SPECC1: variants seen among roughly 807,000 people sequenced by gnomAD.
SPECC1 encodes the protein sperm antigen with calponin homology and coiled-coil domains 1.
SPECC1 carries 62 observed loss-of-function variants against 104.1 expected under a neutral mutation model. The ratio of observed to expected loss-of-function variants is 0.60; its 90% CI spans 0.49 to 0.74. The LOEUF (loss-of-function observed/expected upper bound fraction) is 0.74, where lower values mean the gene tolerates loss of function less well. Ranked by LOEUF, SPECC1 falls within the 30% of genes least tolerant of loss-of-function variation. SPECC1 has a pLI of 0.00. For synonymous variants in SPECC1, 513 were observed against 501.6 expected, an observed-to-expected ratio of 1.02 and a Z score of -0.30; for missense variants, 1,306 against 1,310.5, an observed-to-expected ratio of 1.00 and a Z score of 0.05.
chr17:20,158,428 T>G (rs2032806292), intron 3 of SPECC1, among the ~76,000 whole-genome samples: 1 of 152,066 alleles, frequency 6.6e-6, no homozygotes, highest in Non-Finnish European at 1.5e-5. Flanking sequence ...AAGGAAAGCT[T>G]TTGATCATGA....
intron 1 of SPECC1, among the ~76,000 whole-genome samples, chr17:20,086,457 T>C (rs1292407318): frequency 1.3e-5 from 2 of 152,182 alleles, no homozygotes; most frequent in African/African-American, 4.8e-5. Context: ...ACCCTGCTGC[T>C]CATGACTTAA....
intron 4 of SPECC1, among the ~76,000 whole-genome samples, chr17:20,223,502 G>A (rs1037368772): frequency 1.3e-5 from 2 of 151,860 alleles, no homozygotes; most frequent in African/African-American, 2.4e-5. Context: ...GGTGAAACCC[G>A]TCTCTACTAA....
chr17:20,075,438 G>A (rs533326070), intron 1 of SPECC1, among the ~76,000 whole-genome samples: 2 of 152,110 alleles, frequency 1.3e-5, no homozygotes, highest in Admixed American at 6.6e-5. Context: ...GCTCTGATAC[G>A]GCATTTCAGT....
At chr17:20,150,947 CA>C (rs2031951580) in intron 3 of SPECC1, among the ~76,000 whole-genome samples, 1 of 152,004 alleles carries the variant, frequency 6.6e-6, no homozygotes, top group African/African-American at 2.4e-5. Context: ...AATGGGACCA[CA>C]TATATATTAT....
chr17:20,188,238 T>G lies in SPECC1; in HGVS notation c.284-16095T>G, dbSNP rs984382924. Among the ~76,000 whole-genome samples the G allele has an allele frequency of 3.4e-5, 5 of 148,118 alleles. No individual in the cohort carries two copies. The South Asian group carries it at 1.1e-3, about 32-fold the overall frequency. ...GAAATAACGTGATTTTGTATTTCCTTAGGTATCAAAAGACATCCTTTTTTT... is the reference window on the plus strand; with the variant it reads ...GAAATAACGTGATTTTGTATTTCCTGAGGTATCAAAAGACATCCTTTTTTT... On this transcript the variant is annotated intron_variant, in intron 3 of 14. Transcript: ENST00000395527.
intron 2 of SPECC1, among the ~76,000 whole-genome samples, chr17:20,108,246 A>C (rs78262928): frequency 6.6e-6 from 1 of 151,678 alleles, no homozygotes; most frequent in African/African-American, 2.4e-5. Context: ...AAAAAAAAAA[A>C]CCCAGAAGGC....
intron 7 of SPECC1, among the ~76,000 whole-genome samples, chr17:20,243,488 G>A (rs1156393691): frequency 1.3e-5 from 2 of 152,094 alleles, no homozygotes; most frequent in East Asian, 1.9e-4. Context: ...TAAGCCAATA[G>A]CATTCTTAAT....
intron 7 of SPECC1, among the ~76,000 whole-genome samples, chr17:20,235,654 G>A (rs763063963): frequency 6.6e-6 from 1 of 152,174 alleles, no homozygotes; most frequent in African/African-American, 2.4e-5. Flanking sequence ...TGTTCCTCTT[G>A]TTCTGAAACA....
intron 7 of SPECC1, among the ~76,000 whole-genome samples, chr17:20,241,382 T>A (rs149744047): frequency 1.3e-3 from 197 of 152,336 alleles, no homozygotes; most frequent in Middle Eastern, 6.8e-3. Context: ...TAAATTCTTC[T>A]TGTTCCTGAT....
chr17:20,107,462 CTTTTTTTT>C (rs201566147), intron 2 of SPECC1, among the ~76,000 whole-genome samples: 4 of 132,118 alleles, frequency 3.0e-5, no homozygotes, highest in African/African-American at 8.3e-5. Context: ...TTTCTTTTTT[CTTTTTTTT>C]TTTTTTTTGA....
At chr17:20,309,802 TC>T (rs2041875596) in intron 14 of SPECC1, among the ~76,000 whole-genome samples, 1 of 143,368 alleles carries the variant, frequency 7.0e-6, no homozygotes, top group Non-Finnish European at 1.5e-5. Flanking sequence ...CTACTGGTTT[TC>T]TTTCTCCTTT....
chr17:20,156,284 C>T (rs545231314), intron 3 of SPECC1: 13 of 1,293,340 alleles, frequency 1.0e-5, no homozygotes, highest in African/African-American at 4.9e-5. Context: ...CCCCACCCCC[C>T]CTCCAGGCGC....
At chr17:20,200,272 A>T (rs1371215333) in intron 3 of SPECC1, among the ~76,000 whole-genome samples, 1 of 152,198 alleles carries the variant, frequency 6.6e-6, no homozygotes, top group Non-Finnish European at 1.5e-5. Context: ...TAGTTTGTGA[A>T]TGCTTATTTT....
intron 11 of SPECC1, 36 bp downstream of exon 11, chr17:20,257,643 A>T (rs1180432287): frequency 5.0e-6 from 8 of 1,606,588 alleles, no homozygotes; most frequent in Non-Finnish European, 6.8e-6. Flanking sequence ...TCAGAAAAAC[A>T]TCGGGCTAAT....
chr17:20,292,526 C>T (rs374962059), intron 12 of SPECC1, among the ~76,000 whole-genome samples: 65 of 152,250 alleles, frequency 4.3e-4, no homozygotes, highest in African/African-American at 1.5e-3. Context: ...GTTGAGGTTT[C>T]ACTACATTGG....
At chr17:20,200,513 A>G (rs936724230) in intron 3 of SPECC1, among the ~76,000 whole-genome samples, 2 of 152,158 alleles carry the variant, frequency 1.3e-5, no homozygotes, top group African/African-American at 4.8e-5. Flanking sequence ...AAAAGATCCA[A>G]TGGTGCTGGC....
At chr17:20,264,858 T>C (rs182379687) in intron 12 of SPECC1, among the ~76,000 whole-genome samples, 11 of 152,326 alleles carry the variant, frequency 7.2e-5, no homozygotes, top group African/African-American at 1.9e-4. Context: ...CTCCCACTTA[T>C]AAGTGAGATG....
chr17:20,281,222 C>A (rs1011565469), intron 12 of SPECC1, among the ~76,000 whole-genome samples: 1 of 152,184 alleles, frequency 6.6e-6, no homozygotes, highest in Non-Finnish European at 1.5e-5. Context: ...TGTTATACAG[C>A]GTGTCACCAT....
In SPECC1 at chr17:20,246,517, G is replaced by A. The variant is rs142236941; in HGVS notation, c.2497+446G>A. ...ATCCCCATCTTGCAACCTGCTAGAC[G>A]TTTTTCTACCTGGTCTTGTACGTGA... is the stretch of plus-strand genomic sequence containing the variant. On this transcript the variant is annotated intron_variant, in intron 8 of 14. Coordinates refer to ENST00000395527, the MANE Select transcript of SPECC1 (RefSeq NM_001243439.2). Among the ~76,000 whole-genome samples the A allele has an allele frequency of 1.6e-3, 239 of 152,262 alleles. 1 individual carries two copies. Among genetic ancestry groups the A allele is most frequent in the African/African-American group, 5.4e-3 (224 of 41,554 alleles).
Sources: allele counts gnomAD v4.1 joint callset (sites outside exome capture counted in the v4.1 genomes callset), GRCh38; gene constraint gnomAD v4.1.1; transcripts MANE v1.5; gene names NCBI Gene and HGNC (gene_info 2026-07-23, HGNC 2026-07-21).